Variants in PDGFA observed in about 807,000 individuals in gnomAD.
PDGFA encodes platelet-derived growth factor subunit A.
In PDGFA, 9 loss-of-function variants were observed where a neutral mutation model predicts 25.6. That is an observed-to-expected ratio of 0.35 (90% CI 0.21 to 0.61). The LOEUF is 0.61. PDGFA is among the 20% of genes least tolerant of loss of function. The pLI, the probability that PDGFA is intolerant of heterozygous loss-of-function variation, is 0.75. For missense variants in PDGFA, 242 were observed against 272.8 expected (o/e 0.89, Z 0.79); for synonymous variants, 133 against 111.8 (o/e 1.19, Z -1.20).
At chr7:510,990 G>C (rs373033139) in exon 4 of PDGFA, 3 of 1,611,964 alleles carry the variant, frequency 1.9e-6, no homozygotes, top group Non-Finnish European at 2.5e-6. Flanking sequence ...AGCGGGGACA[G>C]CTTCCTCTGC....
At chr7:509,693 G>A (rs575597453) in intron 4 of PDGFA, among the ~76,000 whole-genome samples, 6 of 152,290 alleles carry the variant, frequency 3.9e-5, no homozygotes, top group East Asian at 1.9e-4. Context: ...ATGGCAGAGC[G>A]AGAAGGTGTC....
chr7:512,136 G>A (rs569730100), intron 3 of PDGFA, among the ~76,000 whole-genome samples: 20 of 152,316 alleles, frequency 1.3e-4, no homozygotes, highest in African/African-American at 4.8e-4. Flanking sequence ...TGGGGCAGGA[G>A]ACACCCTCGA....
intron 2 of PDGFA, among the ~76,000 whole-genome samples, chr7:514,501 C>G (rs532894944): frequency 2.0e-5 from 3 of 152,320 alleles, no homozygotes; most frequent in African/African-American, 7.2e-5. Context: ...TCACCAAACA[C>G]AGCTCTGAGC....
chr7:511,672 C>A (rs915426077), intron 3 of PDGFA, among the ~76,000 whole-genome samples: 3 of 152,186 alleles, frequency 2.0e-5, no homozygotes, highest in Non-Finnish European at 2.9e-5. Flanking sequence ...GAGCCATGAG[C>A]AGCACCAGGG....
Position 517,479 on chromosome 7 carries a change from G to T in PDGFA, c.75C>A (p.Ile25=). The T allele has an allele frequency of 1.5e-6, 2 of 1,334,580 alleles. No individual in the cohort carries two copies. Among genetic ancestry groups the T allele is most frequent in the Admixed American group, 2.8e-5 (1 of 35,326 alleles). 82.7% of individuals were successfully genotyped at this position (1,334,580 alleles called of 1,614,324 possible). Reference sequence around the variant, plus strand: ...CCAGCCTCTCGATCACCTCGCGGGGGATCTCGGCTTCCTGCAAGCAGAGGC... The same window carrying T: ...CCAGCCTCTCGATCACCTCGCGGGGTATCTCGGCTTCCTGCAAGCAGAGGC... Residue 25 remains isoleucine, a synonymous_variant, in exon 2 of 6, where the codon ATC becomes ATA. Coordinates refer to ENST00000402802, the Ensembl canonical transcript of PDGFA. The surrounding 1 kb of genome is among the most constrained non-coding windows in gnomAD (Gnocchi z 7.4).
rs368801184 is a variant in PDGFA, at chr7:500,415, C to T, written c.580+701G>A. On this transcript the variant is annotated intron_variant, in intron 5 of 5. Coordinates refer to ENST00000402802, the Ensembl canonical transcript of PDGFA. This position sits in a 1 kb window ranked among gnomAD's most constrained non-coding sequence, Gnocchi z 5.0. The stretch of plus-strand genomic sequence containing the variant: ...CCCGCCCTGCAGGACTCAGTGTGTC[C>T]GGCAGACAGTCCTACCTGGTTGGCT... The T allele has an allele frequency of 1.5e-4, 238 of 1,613,436 alleles. No homozygotes were observed. Among genetic ancestry groups the T allele is most frequent in the Admixed American group, 3.2e-4 (19 of 60,024 alleles).
At position 502,443 on chromosome 7, in the gene PDGFA, G is replaced by A. The variant is rs375970351; in HGVS notation, c.454-1201C>T. On this transcript the variant is annotated intron_variant, in intron 4 of 5. Transcript: ENST00000402802. ...CAGGTCCGAGGCTCTCCTTGGGCTCGGAGAGGCCTGACCTCGGAAACCAGG... is the reference window on the plus strand; with the variant it reads ...CAGGTCCGAGGCTCTCCTTGGGCTCAGAGAGGCCTGACCTCGGAAACCAGG... Among the ~76,000 whole-genome samples, 35 of 152,202 alleles carry A rather than the reference G, an allele frequency of 2.3e-4. No individual in the cohort carries two copies. In the East Asian group the frequency reaches 5.6e-3, roughly 24 times the overall value.
chr7:519,902 GCCCCCGCCCCCGCC>G (rs1783295455), upstream of PDGFA: 1 of 50,958 alleles, frequency 2.0e-5, no homozygotes, highest in Non-Finnish European at 3.7e-5. Flanking sequence ...CCCCTCCCCC[GCCCCCGCCCCCGCC>G]CCCCCCCCCC....
chr7:518,708 C>A (rs1783220824), intron 1 of PDGFA, among the ~76,000 whole-genome samples: 1 of 152,196 alleles, frequency 6.6e-6, no homozygotes, highest in African/African-American at 2.4e-5. Flanking sequence ...GCCCACTCGT[C>A]CACCTCGCTG....
At chr7:509,207 A>G (rs1227244681) in intron 4 of PDGFA, among the ~76,000 whole-genome samples, 3 of 150,784 alleles carry the variant, frequency 2.0e-5, no homozygotes, top group Non-Finnish European at 3.0e-5. Flanking sequence ...GAACGCCAGC[A>G]CCCCCAGGAT....
At chr7:504,209 C>A (rs1489863122) in intron 4 of PDGFA, among the ~76,000 whole-genome samples, 1 of 152,030 alleles carries the variant, frequency 6.6e-6, no homozygotes, top group African/African-American at 2.4e-5. Flanking sequence ...ACCCCCTGGT[C>A]CCCAAGCTCA....
At position 512,764 on chromosome 7, in the gene PDGFA, CCCCTACGG is replaced by C. The variant is rs1782920161; in HGVS notation, c.161-317_161-310del. On this transcript the variant is annotated intron_variant, in intron 2 of 5. Coordinates refer to ENST00000402802, the Ensembl canonical transcript of PDGFA. ...TCGGGGAAGAGGTTGCAGGTGGTCT[CCCCTACGG>C]TGCCTCCTCCAAGGTAGCCCAGGTG... is the stretch of plus-strand genomic sequence containing the variant. The C allele has an allele frequency of 3.2e-6, 3 of 932,608 alleles. No homozygotes were observed. In the South Asian group the frequency reaches 5.1e-5, roughly 16 times the overall value. The allele number at this position is 932,608 out of a possible 1,614,324, so 57.8% of individuals were successfully genotyped here.
At chr7:497,971 A>AAAAAAAAAAAAAAAAAAAAAAAAAAC (rs1782160608) in exon 6 of PDGFA, 1 of 133,702 alleles carries the variant, frequency 7.5e-6, no homozygotes, top group African/African-American at 2.9e-5. Context: ...AAAAAAAAAA[A>AAAAAAAAAAAAAAAAAAAAAAAAAAC]AACAAAACAA....
At chr7:511,474 C>G (rs998217209) in intron 3 of PDGFA, among the ~76,000 whole-genome samples, 5 of 151,706 alleles carry the variant, frequency 3.3e-5, no homozygotes, top group African/African-American at 9.7e-5. Flanking sequence ...GCTGCATGCT[C>G]TAGCCTTCAA....
chr7:518,223 CT>C (rs1783196020), intron 1 of PDGFA, among the ~76,000 whole-genome samples: 1 of 152,206 alleles, frequency 6.6e-6, no homozygotes, highest in African/African-American at 2.4e-5. Context: ...CCCCACTCCC[CT>C]CCCCGATTTT....
At chr7:514,457 A>T (rs1424228984) in intron 2 of PDGFA, among the ~76,000 whole-genome samples, 1 of 152,164 alleles carries the variant, frequency 6.6e-6, no homozygotes, top group Non-Finnish European at 1.5e-5. Flanking sequence ...CAAGATGCCG[A>T]GAGTGGACCA....
Position 517,984 on chromosome 7 carries a change from C to G in PDGFA, c.64-494G>C, listed in dbSNP as rs1000507699. Among the ~76,000 whole-genome samples the G allele has an allele frequency of 6.6e-6, 1 of 152,138 alleles. No homozygotes were observed. The highest frequency in any genetic ancestry group is 1.5e-5 in the Non-Finnish European group (1 of 68,020). On this transcript the variant is annotated intron_variant, in intron 1 of 5. Transcript: ENST00000402802. This position sits in a 1 kb window ranked among gnomAD's most constrained non-coding sequence, Gnocchi z 7.4. ...GGGCCGAACCCGTGGAGAGGTCTCT[C>G]CGTCTCACAAACACACGCACGCGCG...
chr7:501,554 G>T (rs1782340497), intron 4 of PDGFA, among the ~76,000 whole-genome samples: 1 of 152,058 alleles, frequency 6.6e-6, no homozygotes, highest in Admixed American at 6.6e-5. Context: ...CCTCCCACCT[G>T]TAAGCACAGG....
intron 2 of PDGFA, among the ~76,000 whole-genome samples, chr7:516,176 C>A (rs1279313695): frequency 6.7e-6 from 1 of 150,126 alleles, no homozygotes; most frequent in East Asian, 2.0e-4. Flanking sequence ...CCCCGCCCAG[C>A]TGTGCTGTGG....
Sources: allele counts gnomAD v4.1 joint callset (sites outside exome capture counted in the v4.1 genomes callset), GRCh38; gene constraint gnomAD v4.1.1; non-coding constraint Gnocchi (gnomAD v3.1); transcripts MANE v1.5; gene names NCBI Gene and HGNC (gene_info 2026-07-23, HGNC 2026-07-21).